The following MTFR1 variants were observed in gnomAD, a reference collection of about 807,000 sequenced individuals.
The protein encoded by MTFR1 is chondrocyte protein with a poly-proline region.
MTFR1 carries 28 observed loss-of-function variants against 38.8 expected under a neutral mutation model. The ratio of observed to expected loss-of-function variants is 0.72; its 90% CI spans 0.53 to 0.99. The LOEUF is 0.99. MTFR1 is among the 50% of genes least tolerant of loss of function. The pLI is 0.00. For missense variants in MTFR1, 358 were observed against 395.5 expected (o/e 0.91, Z 0.81); for synonymous variants, 145 against 137.0 (o/e 1.06, Z -0.41).
intron 3 of MTFR1, among the ~76,000 whole-genome samples, chr8:65,752,569 G>A (rs1344774616): frequency 1.3e-5 from 2 of 151,988 alleles, no homozygotes; most frequent in East Asian, 1.9e-4. Flanking sequence ...TTGTATGGCC[G>A]CCCACAGAAT....
intron 3 of MTFR1, among the ~76,000 whole-genome samples, chr8:65,732,586 C>G (rs1171832223): frequency 6.6e-6 from 1 of 152,188 alleles, no homozygotes; most frequent in Non-Finnish European, 1.5e-5. Context: ...GGCACTATCA[C>G]TACTCTCTGC....
chr8:65,730,193 T>TTTTTTTTTTTTTC (rs1321443430), intron 3 of MTFR1, among the ~76,000 whole-genome samples: 13 of 137,074 alleles, frequency 9.5e-5, no homozygotes, highest in African/African-American at 3.5e-4. Context: ...TTTTTTTTTT[T>TTTTTTTTTTTTTC]TTTTGAGATG....
At chr8:65,718,985 G>C (rs1362314301) in intron 2 of MTFR1, 4 of 386,942 alleles carry the variant, frequency 1.0e-5, no homozygotes, top group Non-Finnish European at 1.9e-5. Flanking sequence ...AAGATTAGAT[G>C]CTTTGAAAAA....
At chr8:65,708,289 A>G in intron 7 of MTFR1, 1 of 519,752 alleles carries the variant, frequency 1.9e-6, no homozygotes, top group East Asian at 4.0e-5. Context: ...AGCCAAAGTT[A>G]ACCCCTGAGC....
At chr8:65,712,451 AGTGCCAGGAGC>A (rs1340559362), downstream of MTFR1, among the ~76,000 whole-genome samples, 3 of 152,350 alleles carry the variant, frequency 2.0e-5, no homozygotes, top group East Asian at 5.8e-4. Context: ...AGAGTGAATC[AGTGCCAGGAGC>A]TCAAATAAAG....
At chr8:65,653,463 T>C (rs1809174709) in intron 1 of MTFR1, among the ~76,000 whole-genome samples, 1 of 151,998 alleles carries the variant, frequency 6.6e-6, no homozygotes, top group Admixed American at 6.6e-5. Context: ...AGTTAGCTGT[T>C]ATCGTGCCAC....
chr8:65,726,147 G>GA (rs1292267443), intron 3 of MTFR1, among the ~76,000 whole-genome samples: 2 of 152,070 alleles, frequency 1.3e-5, no homozygotes, highest in East Asian at 3.8e-4. Context: ...CACTTTTCTT[G>GA]AAGTGGATGG....
intron 2 of MTFR1, chr8:65,719,007 T>C (rs1427551204): frequency 4.4e-6 from 2 of 454,206 alleles, no homozygotes; most frequent in Non-Finnish European, 8.0e-6. Context: ...TCGTGGCACA[T>C]ATCAAAACTT....
chr8:65,754,794 G>A (rs1047501826), intron 3 of MTFR1, among the ~76,000 whole-genome samples: 1 of 149,000 alleles, frequency 6.7e-6, no homozygotes, highest in Non-Finnish European at 1.5e-5. Context: ...ATGAAGCCCC[G>A]TCTCTACTAA....
At chr8:65,708,294 C>T (rs1360883649) in intron 7 of MTFR1, 10 of 495,510 alleles carry the variant, frequency 2.0e-5, no homozygotes, top group Middle Eastern at 5.9e-4. Flanking sequence ...AAGTTAACCC[C>T]TGAGCTCACT....
downstream of MTFR1, among the ~76,000 whole-genome samples, chr8:65,713,759 T>C (rs1000272324): frequency 1.3e-5 from 2 of 152,122 alleles, no homozygotes; most frequent in South Asian, 2.1e-4. Context: ...TGTCAGCTCA[T>C]TGTAACCTCT....
chr8:65,665,266 C>T (rs1472028355), intron 1 of MTFR1, among the ~76,000 whole-genome samples: 3 of 152,008 alleles, frequency 2.0e-5, no homozygotes, highest in Admixed American at 1.3e-4. Flanking sequence ...CACATAAAAC[C>T]ATCCTTTCTC....
rs1189530680 is a variant in MTFR1, at chr8:65,710,466, C to G, written c.*1422C>G. ...GAAACGTATTTTGACCTAAAAGAAA[C>G]ATATTTTTGTATCAGTATTGAATTT... On this transcript the variant is annotated 3_prime_UTR_variant, in exon 8 of 8. Transcript: ENST00000262146. 2.6e-5 allele frequency: 4 copies of G among 152,518 alleles called. No homozygotes were observed. Among genetic ancestry groups the G allele is most frequent in the Admixed American group, 1.3e-4 (2 of 15,264 alleles). 9.4% of individuals were successfully genotyped at this position (152,518 alleles called of 1,614,324 possible).
chr8:65,744,870 T>C (rs1240843981), intron 3 of MTFR1, among the ~76,000 whole-genome samples: 2 of 152,180 alleles, frequency 1.3e-5, no homozygotes, highest in Non-Finnish European at 1.5e-5. Flanking sequence ...AATTATGAGA[T>C]TGATTCTGTA....
At chr8:65,673,354 G>A (rs575595388) in intron 2 of MTFR1, among the ~76,000 whole-genome samples, 11 of 148,476 alleles carry the variant, frequency 7.4e-5, no homozygotes, top group South Asian at 2.1e-4. Flanking sequence ...AACAAATAAC[G>A]TCAAAGATCA....
chr8:65,647,248 C>G (rs2129046513), intron 1 of MTFR1, among the ~76,000 whole-genome samples: 1 of 152,160 alleles, frequency 6.6e-6, no homozygotes, highest in South Asian at 2.1e-4. Context: ...GAGGAAAGGA[C>G]CAGACAGAGA....
At chr8:65,668,359 T>G (rs1223612231) in intron 1 of MTFR1, among the ~76,000 whole-genome samples, 1 of 127,806 alleles carries the variant, frequency 7.8e-6, no homozygotes, top group Non-Finnish European at 1.7e-5. Context: ...TTTTTTTTTT[T>G]GTACTTTTAA....
intron 2 of MTFR1, among the ~76,000 whole-genome samples, chr8:65,671,283 A>G (rs1381610260): frequency 1.3e-5 from 2 of 152,154 alleles, no homozygotes; most frequent in African/African-American, 4.8e-5. Flanking sequence ...CTGTAATCCC[A>G]GCACTTTGGG....
chr8:65,678,658 TG>T (rs1423006807), intron 2 of MTFR1, among the ~76,000 whole-genome samples: 1 of 152,166 alleles, frequency 6.6e-6, no homozygotes, highest in African/African-American at 2.4e-5. Flanking sequence ...CCCAGCACTT[TG>T]GGAGGCCGAG....
Sources: allele counts gnomAD v4.1 joint callset (sites outside exome capture counted in the v4.1 genomes callset), GRCh38; gene constraint gnomAD v4.1.1; transcripts MANE v1.5; gene names NCBI Gene and HGNC (gene_info 2026-07-23, HGNC 2026-07-21).